VAMP2: variants seen among roughly 807,000 people sequenced by gnomAD.
VAMP2 encodes the protein vesicle-associated membrane protein 2.
For missense variants in VAMP2, 95 were observed against 151.3 expected, an observed-to-expected ratio of 0.63 and a Z score of 1.95; for synonymous variants, 67 against 57.3, an observed-to-expected ratio of 1.17 and a Z score of -0.76.
In VAMP2 at chr17:8,160,377, GTTGTT is replaced by G. The variant is rs1410394103; in HGVS notation, c.*473_*477del. The stretch of plus-strand genomic sequence containing the variant: ...ACCTAAGGAAGCCTGGACAGGTGCT[GTTGTT>G]TTTTTTTTTTTTTTTTTTTTTTTGA... On this transcript the variant is annotated 3_prime_UTR_variant, in exon 5 of 5. Coordinates refer to ENST00000316509, the MANE Select transcript of VAMP2 (RefSeq NM_014232.3). 121 of 39,482 alleles carry G rather than the reference GTTGTT, an allele frequency of 3.1e-3. 1 individual carries two copies. The highest frequency in any genetic ancestry group is 9.9e-3 in the African/African-American group (109 of 10,992). The allele number at this position is 39,482 out of a possible 1,614,324, so 2.4% of individuals were successfully genotyped here.
rs935496813 is a variant in VAMP2 at position 8,162,909 on chromosome 17, G to A, written c.-30C>T. On this transcript the variant is annotated 5_prime_UTR_variant, in exon 1 of 5. Coordinates refer to ENST00000316509, the MANE Select transcript of VAMP2 (RefSeq NM_014232.3). ...GGGGCAGCGGGTGGAGGACTTGGCA[G>A]CGGCAGTGATGGCGGCGGCGGCTCG... 1.4e-5 allele frequency: 17 copies of A among 1,209,578 alleles called. No homozygotes were observed. The African/African-American group carries it at 2.4e-4, about 17-fold the overall frequency. The allele number at this position is 1,209,578 out of a possible 1,614,324, so 74.9% of individuals were successfully genotyped here.
chr17:8,161,344 G>A, intron 4 of VAMP2, 129 bp downstream of exon 4: 2 of 1,334,128 alleles, frequency 1.5e-6, no homozygotes, highest in Non-Finnish European at 2.0e-6. Flanking sequence ...AGATGAATCA[G>A]AATTGCCATT....
rs985184704 is a variant in VAMP2, at chr17:8,160,086, C to G, written c.*769G>C. On this transcript the variant is annotated 3_prime_UTR_variant, in exon 5 of 5. Transcript: ENST00000316509. ...AGGCAATGCTGGGGACCAGAGCAGC[C>G]TGGTTCCCCAAAAGCCCAGGCTCCC... The G allele has an allele frequency of 6.6e-6, 1 of 152,186 alleles. No individual in the cohort carries two copies. The highest frequency in any genetic ancestry group is 1.5e-5 in the Non-Finnish European group (1 of 68,078). 9.4% of individuals were successfully genotyped at this position (152,186 alleles called of 1,614,324 possible).
Position 8,162,920 on chromosome 17 carries a change from G to T in VAMP2, c.-41C>A. On this transcript the variant is annotated 5_prime_UTR_variant, in exon 1 of 5. Transcript: ENST00000316509. ...TGGAGGACTTGGCAGCGGCAGTGAT[G>T]GCGGCGGCGGCTCGCGCTGGCTCCG... is the stretch of plus-strand genomic sequence containing the variant. 1 of 1,206,718 alleles carries T rather than the reference G, an allele frequency of 8.3e-7. No homozygotes were observed. Among genetic ancestry groups the T allele is most frequent in the East Asian group, 3.4e-5 (1 of 29,442 alleles). 74.8% of individuals were successfully genotyped at this position (1,206,718 alleles called of 1,614,324 possible).
chr17:8,162,593 G>T (rs1983351128), intron 1 of VAMP2: 1 of 1,441,814 alleles, frequency 6.9e-7, no homozygotes, highest in East Asian at 2.7e-5. Flanking sequence ...AACTGAGGGC[G>T]ACCTCACAGA....
At chr17:8,161,837 T>A (rs1362222130) in intron 2 of VAMP2, 71 bp from the exon 3 acceptor site, 8 of 1,565,676 alleles carry the variant, frequency 5.1e-6, no homozygotes, top group Non-Finnish European at 6.9e-6. Flanking sequence ...CTCAAACATG[T>A]GCCCACCGTG....
rs1983285803 is a variant in VAMP2 at position 8,160,762 on chromosome 17, G to A, written c.*93C>T. ...GACACACACACACACGGATCCAGGG[G>A]AGTGGGGGCTGAAAGATATGGCTGA... On this transcript the variant is annotated 3_prime_UTR_variant, in exon 5 of 5. Transcript: ENST00000316509. 2.9e-6 allele frequency: 4 copies of A among 1,363,746 alleles called. No homozygotes were observed. Among genetic ancestry groups the A allele is most frequent in the South Asian group, 1.3e-5 (1 of 74,454 alleles). The allele number at this position is 1,363,746 out of a possible 1,614,324, so 84.5% of individuals were successfully genotyped here. A position where few individuals can be genotyped will look rare whatever the true frequency, so the allele number is the denominator to read the frequency against.
intron 4 of VAMP2, 84 bp downstream of exon 4, chr17:8,161,389 A>G (rs1983307036): frequency 1.9e-6 from 3 of 1,549,396 alleles, no homozygotes; most frequent in East Asian, 2.3e-5. Context: ...AAGAGTAAAA[A>G]CTAGATTAAT....
rs1024828117 is a variant in VAMP2 at position 8,159,527 on chromosome 17, C to T, written c.*1328G>A. ...ATAGTCCTGGAGAGGGGCAAGCATC[C>T]CCGTTTTCCAGCAAGTCCCATACAC... On this transcript the variant is annotated 3_prime_UTR_variant, in exon 5 of 5. Coordinates refer to ENST00000316509, the MANE Select transcript of VAMP2 (RefSeq NM_014232.3). 1 of 152,574 alleles carries T rather than the reference C, an allele frequency of 6.6e-6. No individual in the cohort carries two copies. Among genetic ancestry groups the T allele is most frequent in the Non-Finnish European group, 1.5e-5 (1 of 68,026 alleles). The allele number at this position is 152,574 out of a possible 1,614,324, so 9.5% of individuals were successfully genotyped here. A position where few individuals can be genotyped will look rare whatever the true frequency, so the allele number is the denominator to read the frequency against.
Position 8,159,389 on chromosome 17 carries a change from G to A in VAMP2, c.*1466C>T, listed in dbSNP as rs931633177. 1.4e-4 allele frequency: 22 copies of A among 152,566 alleles called. No individual in the cohort carries two copies. Among genetic ancestry groups the A allele is most frequent in the African/African-American group, 1.2e-4 (5 of 41,396 alleles). The allele number at this position is 152,566 out of a possible 1,614,324, so 9.5% of individuals were successfully genotyped here. ...GAAGAAAGTTTGGGGGCCCCCTCCC[G>A]TGGCAGGTTAAGGGACTGTACCCTC... On this transcript the variant is annotated 3_prime_UTR_variant, in exon 5 of 5. Transcript: ENST00000316509.
intron 2 of VAMP2, 97 bp downstream of exon 2, chr17:8,162,152 C>T (rs1983333275): frequency 1.4e-6 from 2 of 1,474,538 alleles, no homozygotes; most frequent in East Asian, 2.4e-5. Context: ...AACCCACAGG[C>T]GTGAACTGTC....
At chr17:8,161,547 A>G in intron 3 of VAMP2, 23 bp from the exon 4 acceptor site, 1 of 1,614,184 alleles carries the variant, frequency 6.2e-7, no homozygotes, top group Non-Finnish European at 8.5e-7. Flanking sequence ...GGCGAGGATC[A>G]GTAAGACAAA....
At chr17:8,162,004 A>AG (rs1257626720) in intron 2 of VAMP2, among the ~76,000 whole-genome samples, 1 of 152,162 alleles carries the variant, frequency 6.6e-6, no homozygotes, top group Admixed American at 6.5e-5. Flanking sequence ...ATGGAACCTC[A>AG]GGCGCTCTGT....
Position 8,159,755 on chromosome 17 carries a change from C to T in VAMP2, c.*1100G>A, listed in dbSNP as rs1247179723. On this transcript the variant is annotated 3_prime_UTR_variant, in exon 5 of 5. Coordinates refer to ENST00000316509, the MANE Select transcript of VAMP2 (RefSeq NM_014232.3). ...CTCCCCAAGGCAGTGATGACCCCCA[C>T]ACACACACTGGTAGCCACCCCTCTC... is the stretch of plus-strand genomic sequence containing the variant. 6.5e-6 allele frequency: 1 copy of T among 152,696 alleles called. No homozygotes were observed. The highest frequency in any genetic ancestry group is 2.4e-5 in the African/African-American group (1 of 41,436). The allele number at this position is 152,696 out of a possible 1,614,324, so 9.5% of individuals were successfully genotyped here.
chr17:8,162,925 C>T lies in VAMP2; in HGVS notation c.-46G>A. The T allele has an allele frequency of 8.3e-7, 1 of 1,205,174 alleles. No individual in the cohort carries two copies. The highest frequency in any genetic ancestry group is 1.0e-6 in the Non-Finnish European group (1 of 970,876). The allele number at this position is 1,205,174 out of a possible 1,614,324, so 74.7% of individuals were successfully genotyped here. A position where few individuals can be genotyped will look rare whatever the true frequency, so the allele number is the denominator to read the frequency against. Reference sequence around the variant, plus strand: ...GACTTGGCAGCGGCAGTGATGGCGGCGGCGGCTCGCGCTGGCTCCGACTGG... The same window carrying T: ...GACTTGGCAGCGGCAGTGATGGCGGTGGCGGCTCGCGCTGGCTCCGACTGG... On this transcript the variant is annotated 5_prime_UTR_variant, in exon 1 of 5. Coordinates refer to ENST00000316509, the MANE Select transcript of VAMP2 (RefSeq NM_014232.3).
At chr17:8,161,407 A>G (rs1983307521) in intron 4 of VAMP2, 66 bp downstream of exon 4, 2 of 1,590,744 alleles carry the variant, frequency 1.3e-6, no homozygotes, top group Non-Finnish European at 1.7e-6. Context: ...AATGACCTTC[A>G]AAACCTAGAA....
Position 8,160,377 on chromosome 17 carries a change from G to GTTTTTTTTTTTTTTTTTTTTTTTTTTT in VAMP2, c.*477_*478insAAAAAAAAAAAAAAAAAAAAAAAAAAA, listed in dbSNP as rs35724640. ...ACCTAAGGAAGCCTGGACAGGTGCT[G>GTTTTTTTTTTTTTTTTTTTTTTTTTTT]TTGTTTTTTTTTTTTTTTTTTTTTT... On this transcript the variant is annotated 3_prime_UTR_variant, in exon 5 of 5. Transcript: ENST00000316509. The GTTTTTTTTTTTTTTTTTTTTTTTTTTT allele has an allele frequency of 2.5e-5, 1 of 39,474 alleles. No homozygotes were observed. The highest frequency in any genetic ancestry group is 5.4e-5 in the Non-Finnish European group (1 of 18,524). The allele number at this position is 39,474 out of a possible 1,614,324, so 2.4% of individuals were successfully genotyped here. A position where few individuals can be genotyped will look rare whatever the true frequency, so the allele number is the denominator to read the frequency against.
rs1321392424 is a variant in VAMP2, at chr17:8,161,480, G to C, written c.327C>G (p.Ile109Met). Residue 109 changes from isoleucine to methionine, a missense_variant, in exon 4 of 5, where the codon ATC becomes ATG. By Grantham distance (10) the Ile-to-Met change is conservative. Coordinates refer to ENST00000316509, the MANE Select transcript of VAMP2 (RefSeq NM_014232.3). ...CATTCTCACCCTACTCACCTATGAT[G>C]ATGATGAGGATGATGGCGCAAATCA... ...LGVICAIILIIIIVYFST is the reference protein window; with the variant it reads ...LGVICAIILIMIIVYFST The C allele has an allele frequency of 6.2e-7, 1 of 1,614,108 alleles. No homozygotes were observed. The highest frequency in any genetic ancestry group is 1.1e-5 in the South Asian group (1 of 91,082).
chr17:8,160,934 A>C, intron 4 of VAMP2, 63 bp from the exon 5 acceptor site: 6 of 1,438,068 alleles, frequency 4.2e-6, no homozygotes, highest in South Asian at 1.2e-5. Flanking sequence ...GAGAACAAGA[A>C]AGCAGTGTGT....
Sources: gnomAD v4.1 joint callset for allele counts (sites outside exome capture counted in the v4.1 genomes callset) on GRCh38, gnomAD v4.1.1 for gene constraint, MANE v1.5 for transcripts, NCBI Gene and HGNC (gene_info 2026-07-23, HGNC 2026-07-21) for gene names.